The following EYS variants were observed in gnomAD, a reference collection of about 807,000 sequenced individuals.
The protein encoded by EYS is protein eyes shut homolog.
A neutral mutation model predicts 282.1 loss-of-function variants in EYS; 250 were observed. The ratio of observed to expected loss-of-function variants is 0.89; its 90% CI spans 0.80 to 0.98. EYS has a LOEUF of 0.98. Ranked by LOEUF, EYS falls within the 50% of genes least tolerant of loss-of-function variation. The probability of loss-of-function intolerance (pLI) is 0.00; values close to 1 mark genes in which losing one functional copy is unlikely to be tolerated. For synonymous variants in EYS, 1,355 were observed against 1,282.9 expected (o/e 1.06, Z -1.20); for missense variants, 4,016 against 3,709.0 (o/e 1.08, Z -2.15).
At chr6:65,290,293 T>C (rs1420967644) in intron 12 of EYS, among the ~76,000 whole-genome samples, 1 of 151,002 alleles carries the variant, frequency 6.6e-6, no homozygotes. Context: ...ACCTTGAGAA[T>C]AAATCTATGA....
chr6:64,861,783 T>A (rs12664237), intron 19 of EYS, among the ~76,000 whole-genome samples: 4,443 of 152,282 alleles, frequency 0.029, 123 homozygotes, highest in East Asian at 0.16. Context: ...ACATAATACA[T>A]CTTTGCTATT....
intron 16 of EYS, among the ~76,000 whole-genome samples, chr6:64,904,392 C>T (rs181278713): frequency 7.7e-4 from 118 of 152,280 alleles, no homozygotes; most frequent in African/African-American, 2.8e-3. Flanking sequence ...TTATGGCTCT[C>T]CTCATTTTAG....
intron 41 of EYS, among the ~76,000 whole-genome samples, chr6:63,733,348 A>G (rs1768826931): frequency 6.6e-6 from 1 of 152,166 alleles, no homozygotes; most frequent in Non-Finnish European, 1.5e-5. Flanking sequence ...GGTAAAGTGC[A>G]TGATGCTGAG....
chr6:64,690,844 G>C (rs148419497), intron 22 of EYS, among the ~76,000 whole-genome samples: 1 of 151,874 alleles, frequency 6.6e-6, no homozygotes, highest in East Asian at 1.9e-4. Flanking sequence ...TGGGGGGAGC[G>C]GGGAGGGATA....
chr6:65,478,850 C>T (rs555645230), intron 5 of EYS, among the ~76,000 whole-genome samples: 42 of 152,218 alleles, frequency 2.8e-4, no homozygotes, highest in Admixed American at 1.0e-3. Context: ...GGTGGTGTCG[C>T]TTTTTTCAGA....
rs541984596 is a variant in EYS at position 64,014,414 on chromosome 6, T to G, written c.6726-15231A>C. Among the ~76,000 whole-genome samples the G allele has an allele frequency of 2.2e-4, 34 of 152,286 alleles. 1 individual carries two copies. In the South Asian group the frequency reaches 6.8e-3, roughly 31 times the overall value. On this transcript the variant is annotated intron_variant, in intron 33 of 42. Coordinates refer to ENST00000503581, the MANE Select transcript of EYS (RefSeq NM_001142800.2). The stretch of plus-strand genomic sequence containing the variant: ...ACTTCAGTTTCCAAATGGTTGGTAC[T>G]ATTTGCAGTACATAATTTTCCTGAC...
In EYS at chr6:64,089,585, T is replaced by C. The variant is rs114747649; in HGVS notation, c.6425-7583A>G. ...ATACATTTTTGCTTATTTTAGAATTTAAAAAATTTAGATTTAGATGACTTG... is the reference window on the plus strand; with the variant it reads ...ATACATTTTTGCTTATTTTAGAATTCAAAAAATTTAGATTTAGATGACTTG... On this transcript the variant is annotated intron_variant, in intron 31 of 42. Transcript: ENST00000503581. Among the ~76,000 whole-genome samples, 990 of 151,724 alleles carry C rather than the reference T, an allele frequency of 6.5e-3. 9 individuals carry two copies. Among genetic ancestry groups the C allele is most frequent in the African/African-American group, 0.022 (914 of 41,496 alleles).
chr6:63,791,594 AAAG>A lies in EYS; in HGVS notation c.7412-2373_7412-2371del, dbSNP rs764912280. Among the ~76,000 whole-genome samples the A allele has an allele frequency of 9.4e-4, 142 of 151,646 alleles. 1 individual carries two copies. The East Asian group carries it at 0.018, about 19-fold the overall frequency. The stretch of plus-strand genomic sequence containing the variant: ...CTCCCTCTCAAAAAAAAAAAAAAAA[AAAG>A]AAGAAGAACTGCTGGGATGTGGGCT... On this transcript the variant is annotated intron_variant, in intron 37 of 42. Coordinates refer to ENST00000503581, the MANE Select transcript of EYS (RefSeq NM_001142800.2).
At chr6:63,904,503 G>A (rs570776536) in intron 35 of EYS, among the ~76,000 whole-genome samples, 1 of 152,100 alleles carries the variant, frequency 6.6e-6, no homozygotes, top group South Asian at 2.1e-4. Flanking sequence ...TCAGGCCTTC[G>A]GCTCCTCATC....
intron 12 of EYS, among the ~76,000 whole-genome samples, chr6:65,239,408 C>A (rs1184175690): frequency 1.3e-5 from 2 of 151,876 alleles, no homozygotes; most frequent in East Asian, 3.9e-4. Context: ...TAACTAAAGG[C>A]TAGTTTAATA....
At chr6:64,341,368 A>G (rs959482316) in intron 29 of EYS, among the ~76,000 whole-genome samples, 1 of 151,840 alleles carries the variant, frequency 6.6e-6, no homozygotes, top group Non-Finnish European at 1.5e-5. Context: ...TGGCCATAAA[A>G]AAGAATGAAA....
intron 19 of EYS, among the ~76,000 whole-genome samples, chr6:64,829,319 T>G (rs537819350): frequency 6.6e-6 from 1 of 152,102 alleles, no homozygotes; most frequent in Non-Finnish European, 1.5e-5. Context: ...GTGGCAAATA[T>G]GGAGGCCTGT....
intron 40 of EYS, among the ~76,000 whole-genome samples, chr6:63,768,702 C>A (rs1769858300): frequency 6.6e-6 from 1 of 151,986 alleles, no homozygotes; most frequent in South Asian, 2.1e-4. Flanking sequence ...ACCATTCAAC[C>A]CAGCAATACC....
intron 35 of EYS, among the ~76,000 whole-genome samples, chr6:63,934,008 A>G (rs1764976728): frequency 6.6e-6 from 1 of 152,026 alleles, no homozygotes; most frequent in South Asian, 2.1e-4. Flanking sequence ...TACTCATCTG[A>G]CAAAGGGCTA....
intron 29 of EYS, among the ~76,000 whole-genome samples, chr6:64,317,875 G>A (rs557094157): frequency 6.6e-6 from 1 of 152,192 alleles, no homozygotes; most frequent in South Asian, 2.1e-4. Flanking sequence ...CATGGCTTTT[G>A]TAGGGACATG....
intron 22 of EYS, among the ~76,000 whole-genome samples, chr6:64,745,660 A>G (rs1351761761): frequency 6.6e-6 from 1 of 152,200 alleles, no homozygotes; most frequent in Non-Finnish European, 1.5e-5. Context: ...ATAATATTTT[A>G]AAACTTATTA....
chr6:64,317,638 A>G (rs1016612410), intron 29 of EYS, among the ~76,000 whole-genome samples: 2 of 152,176 alleles, frequency 1.3e-5, no homozygotes, highest in South Asian at 4.1e-4. Context: ...TCAAGGATCT[A>G]GAACTAGATA....
intron 22 of EYS, among the ~76,000 whole-genome samples, chr6:64,780,555 A>G (rs78017611): frequency 0.019 from 2,851 of 152,222 alleles, 81 homozygotes; most frequent in African/African-American, 0.066. Flanking sequence ...TTGAACAATT[A>G]TCTGTTGGGT....
At chr6:65,337,471 G>C (rs1447625549) in intron 10 of EYS, among the ~76,000 whole-genome samples, 2 of 151,142 alleles carry the variant, frequency 1.3e-5, no homozygotes, top group African/African-American at 4.8e-5. Flanking sequence ...ACTCGTATAA[G>C]AAGCAACAAA....
Sources: gnomAD v4.1 joint callset for allele counts (sites outside exome capture counted in the v4.1 genomes callset) on GRCh38, gnomAD v4.1.1 for gene constraint, MANE v1.5 for transcripts, NCBI Gene and HGNC (gene_info 2026-07-23, HGNC 2026-07-21) for gene names.